USP39: variants seen among roughly 807,000 people sequenced by gnomAD.
USP39 encodes ubiquitin specific peptidase 39, also known as ubiquitin carboxyl-terminal hydrolase 39.
In USP39, 38 loss-of-function variants were observed where a neutral mutation model predicts 66.4. The observed-to-expected ratio is 0.57, with a 90% CI of 0.44 to 0.75. USP39 has a LOEUF of 0.75. Among genes scored for constraint, USP39 ranks in the 30% least tolerant of loss-of-function variants. USP39 has a pLI of 0.00. For missense variants in USP39, 608 were observed against 714.4 expected (o/e 0.85, Z 1.70); for synonymous variants, 303 against 274.6 (o/e 1.10, Z -1.02).
At chr2:85,645,994 A>G (rs565483900) in intron 11 of USP39, 1 of 152,336 alleles carries the variant, frequency 6.6e-6, no homozygotes, top group South Asian at 2.1e-4. Context: ...GCCCTAGACT[A>G]GAGCCTTACC....
chr2:85,644,132 C>T (rs1289987884), intron 10 of USP39, among the ~76,000 whole-genome samples: 4 of 152,192 alleles, frequency 2.6e-5, no homozygotes, highest in African/African-American at 9.7e-5. Context: ...TAATTTTGAA[C>T]AGTTAATATG....
intron 1 of USP39, among the ~76,000 whole-genome samples, chr2:85,617,639 G>C (rs1411763597): frequency 6.6e-6 from 1 of 152,210 alleles, no homozygotes; most frequent in Non-Finnish European, 1.5e-5. Context: ...AACAGAGCGA[G>C]ACCTCGTTTG....
At chr2:85,611,809 C>T, upstream of USP39, 3 of 1,609,410 alleles carry the variant, frequency 1.9e-6, no homozygotes, top group Middle Eastern at 1.7e-4. Flanking sequence ...GAGCGGGAGT[C>T]AGGGACTGTC....
At position 85,648,800 on chromosome 2, in the gene USP39, G is replaced by A. The variant is rs371581754; in HGVS notation, c.1690G>A (p.Gly564Arg). The A allele has an allele frequency of 6.2e-7, 1 of 1,614,148 alleles. No homozygotes were observed. The highest frequency in any genetic ancestry group is 8.5e-7 in the Non-Finnish European group (1 of 1,180,024). Residue 564 changes from glycine to arginine, a missense_variant, in exon 13 of 13, where the codon GGG (glycine) becomes AGG (arginine). This residue lies in a region of USP39 where 164 missense variants were observed against 250.3 expected (regional missense o/e 0.66). Coordinates refer to ENST00000323701, the MANE Select transcript of USP39 (RefSeq NM_006590.4). ...AGATAATGATGAAACCAACCAGCAG[G>A]GGGCTTGAAGGAGGCGTCTAGGGCT... Reference protein sequence around the residue: ...RRDNDETNQQGA With the variant: ...RRDNDETNQQRA
rs565896572 is a variant in USP39, at chr2:85,632,780, G to A, written c.949+1834G>A. Among the ~76,000 whole-genome samples, 4 of 152,132 alleles carry A rather than the reference G, an allele frequency of 2.6e-5. No homozygotes were observed. The East Asian group carries it at 5.8e-4, about 22-fold the overall frequency. On this transcript the variant is annotated intron_variant, in intron 6 of 12. Transcript: ENST00000323701. ...CTTTTTTAAGAAAAGGTAATTACAG[G>A]TGTTAAGTGCTGTGCTATGGGAGGG...
At chr2:85,623,452 C>T (rs1674615712) in intron 3 of USP39, among the ~76,000 whole-genome samples, 194 bp from the exon 4 acceptor site, 1 of 151,608 alleles carries the variant, frequency 6.6e-6, no homozygotes, top group South Asian at 2.1e-4. Flanking sequence ...AATGAAGTAA[C>T]TAATGTGCTA....
rs191534237 is a variant in USP39 at position 85,636,186 on chromosome 2, G to A, written c.1027+56G>A. The A allele has an allele frequency of 2.2e-5, 35 of 1,558,866 alleles. No homozygotes were observed. The East Asian group carries it at 2.7e-4, about 12-fold the overall frequency. Reference sequence around the variant, plus strand: ...TTTGTTCCCTTTTAAAAAACTTTGCGGTCGGTCGCAATGGCTCATGCCTAT... The same window carrying A: ...TTTGTTCCCTTTTAAAAAACTTTGCAGTCGGTCGCAATGGCTCATGCCTAT... On this transcript the variant is annotated intron_variant, in intron 7 of 12. Transcript: ENST00000323701.
intron 8 of USP39, 62 bp downstream of exon 8, chr2:85,637,498 T>C: frequency 6.4e-7 from 1 of 1,558,702 alleles, no homozygotes; most frequent in Non-Finnish European, 8.8e-7. Flanking sequence ...GTAGGGGAGA[T>C]GAAGAGATGC....
At chr2:85,639,544 TC>T in intron 9 of USP39, 153 bp downstream of exon 9, 1 of 715,996 alleles carries the variant, frequency 1.4e-6, no homozygotes, top group Non-Finnish European at 2.1e-6. Flanking sequence ...AATCTCTACC[TC>T]CCAGTTTCAA....
At chr2:85,620,851 G>A (rs1275737282) in intron 2 of USP39, among the ~76,000 whole-genome samples, 4 of 151,702 alleles carry the variant, frequency 2.6e-5, no homozygotes, top group Non-Finnish European at 5.9e-5. Context: ...ATCTCTTTGT[G>A]GATTCAGTGG....
At chr2:85,635,363 C>T (rs1041828798) in intron 6 of USP39, among the ~76,000 whole-genome samples, 2 of 152,054 alleles carry the variant, frequency 1.3e-5, no homozygotes, top group African/African-American at 4.8e-5. Context: ...AGTTCGAGAC[C>T]GGCCTGGCCA....
At chr2:85,612,730 G>C (rs901809255), upstream of USP39, among the ~76,000 whole-genome samples, 1 of 151,436 alleles carries the variant, frequency 6.6e-6, no homozygotes, top group Admixed American at 6.6e-5. Flanking sequence ...GCGTGATTTC[G>C]GCTCACTGCA....
chr2:85,620,408 G>A (rs1045324295), intron 2 of USP39, among the ~76,000 whole-genome samples: 1 of 151,770 alleles, frequency 6.6e-6, no homozygotes, highest in African/African-American at 2.4e-5. Flanking sequence ...GAACCTAGGA[G>A]GTTGAGGCTG....
intron 8 of USP39, among the ~76,000 whole-genome samples, chr2:85,638,734 T>C (rs1675993857): frequency 6.6e-6 from 1 of 151,666 alleles, no homozygotes; most frequent in Admixed American, 6.6e-5. Flanking sequence ...ACGGGGTTTC[T>C]CCGTGTTGGT....
Position 85,616,456 on chromosome 2 carries a change from G to C in USP39, c.261G>C (p.Glu87Asp). 2.6e-6 allele frequency: 4 copies of C among 1,544,998 alleles called. No individual in the cohort carries two copies. Among genetic ancestry groups the C allele is most frequent in the Non-Finnish European group, 2.6e-6 (3 of 1,140,798 alleles). Residue 87 changes from glutamate to aspartate, a missense_variant, in exon 1 of 13, where the codon GAG (glutamate) becomes GAC (aspartate). Transcript: ENST00000323701. The part of the protein sequence containing the change: ...EVDEDSEPER[E>D]VRAKNGRVDS... ...ATGAGGACTCGGAGCCTGAGCGGGA[G>C]GTGCGAGGTGCGCGGGGCCGGGCCG... is the stretch of plus-strand genomic sequence containing the variant.
chr2:85,638,524 TTTAA>T (rs59485830), intron 8 of USP39, among the ~76,000 whole-genome samples: 8,552 of 147,144 alleles, frequency 0.058, 806 homozygotes, highest in African/African-American at 0.22. Context: ...TTTTGTTTAA[TTTAA>T]TTAATTAATT....
rs140454238 is a variant in USP39, at chr2:85,634,408, G to A, written c.950-1645G>A. On this transcript the variant is annotated intron_variant, in intron 6 of 12. Transcript: ENST00000323701. The stretch of plus-strand genomic sequence containing the variant: ...GAGGAACATAGTGAGACTCCCTCTC[G>A]ACAAAAAATGTAAAAGTTAGCCGGG... Among the ~76,000 whole-genome samples, 497 of 152,022 alleles carry A rather than the reference G, an allele frequency of 3.3e-3. 5 individuals carry two copies. The highest frequency in any genetic ancestry group is 0.011 in the African/African-American group (477 of 41,504).
chr2:85,616,836 C>G (rs1674015630), intron 1 of USP39, among the ~76,000 whole-genome samples: 1 of 151,868 alleles, frequency 6.6e-6, no homozygotes, highest in South Asian at 2.1e-4. Context: ...CACCACCGCT[C>G]CCGCCACCAC....
upstream of USP39, chr2:85,611,412 T>A: frequency 6.6e-7 from 1 of 1,504,942 alleles, no homozygotes; most frequent in Non-Finnish European, 8.9e-7. Context: ...TACAGCACGG[T>A]GGGGCAAACC....
Sources: gnomAD v4.1 joint callset for allele counts (sites outside exome capture counted in the v4.1 genomes callset) on GRCh38, gnomAD v4.1.1 for gene constraint, gnomAD v4.1.1 regional missense constraint, MANE v1.5 for transcripts, NCBI Gene and HGNC (gene_info 2026-07-23, HGNC 2026-07-21) for gene names.